The following AGMO variants were observed in gnomAD, a reference collection of about 807,000 sequenced individuals.
AGMO encodes the protein alkylglycerol monooxygenase, also known as glyceryl-ether monooxygenase.
Under a neutral mutation model 60.2 loss-of-function variants are expected in AGMO, and 75 were observed. The ratio of observed to expected loss-of-function variants is 1.25; its 90% CI spans 1.03 to 1.51. The LOEUF (loss-of-function observed/expected upper bound fraction) is 1.51. Ranked by LOEUF, AGMO falls within the 40% of genes most tolerant of loss-of-function variation. The pLI, the probability that AGMO is intolerant of heterozygous loss-of-function variation, is 0.00. For missense variants in AGMO, 763 were observed against 525.5 expected (o/e 1.45, Z -4.42); for synonymous variants, 261 against 177.1 (o/e 1.47, Z -3.76).
At chr7:15,249,228 A>T (rs2128505874) in intron 12 of AGMO, among the ~76,000 whole-genome samples, 1 of 152,258 alleles carries the variant, frequency 6.6e-6, no homozygotes, top group South Asian at 2.1e-4. Context: ...GGTATATCTG[A>T]CTTTAAGGAT....
chr7:15,499,115 T>C (rs913986511), intron 3 of AGMO, among the ~76,000 whole-genome samples: 3 of 151,990 alleles, frequency 2.0e-5, no homozygotes, highest in East Asian at 1.9e-4. Context: ...CATTGTGAAG[T>C]GAACACCTAG....
intron 12 of AGMO, among the ~76,000 whole-genome samples, chr7:15,235,757 A>T (rs1455864457): frequency 1.3e-5 from 2 of 152,158 alleles, no homozygotes; most frequent in Non-Finnish European, 2.9e-5. Context: ...CTTTTTCTCA[A>T]TTTAACTCTC....
chr7:15,157,658 A>C, the AGMO span, among the ~76,000 whole-genome samples: 1 of 152,094 alleles, frequency 6.6e-6, no homozygotes, highest in Admixed American at 6.6e-5. Context: ...CCAAAGGGGG[A>C]CAAGCCTGGC....
chr7:15,416,869 T>C (rs537446092), intron 5 of AGMO, among the ~76,000 whole-genome samples: 3 of 152,248 alleles, frequency 2.0e-5, no homozygotes, highest in African/African-American at 7.2e-5. Context: ...GACAAGCAAA[T>C]GATAAAAATA....
At chr7:15,124,473 T>C in the AGMO span, among the ~76,000 whole-genome samples, 2 of 151,980 alleles carry the variant, frequency 1.3e-5, no homozygotes, top group Non-Finnish European at 2.9e-5. Context: ...CATAAAGAAA[T>C]TGGGGCAATT....
chr7:15,266,868 A>C (rs986506619), intron 12 of AGMO, among the ~76,000 whole-genome samples: 2 of 148,404 alleles, frequency 1.3e-5, no homozygotes, highest in Non-Finnish European at 2.9e-5. Flanking sequence ...TACAGAAACA[A>C]AATAAAGGAC....
chr7:15,321,446 C>T lies in AGMO; in HGVS notation c.1263+44068G>A, dbSNP rs186011520. Among the ~76,000 whole-genome samples the T allele has an allele frequency of 1.8e-3, 271 of 152,144 alleles. 2 individuals are homozygous for T. Among genetic ancestry groups the T allele is most frequent in the African/African-American group, 6.0e-3 (249 of 41,524 alleles). The stretch of plus-strand genomic sequence containing the variant: ...TGGTGGCGAAAGTTTGTAAGTACAT[C>T]GTCACCTTCAAATAAGAACAGATAT... On this transcript the variant is annotated intron_variant, in intron 12 of 12. Coordinates refer to ENST00000342526, the MANE Select transcript of AGMO (RefSeq NM_001004320.2).
intron 11 of AGMO, among the ~76,000 whole-genome samples, chr7:15,365,926 GATTTA>G (rs1451595397): frequency 6.6e-6 from 1 of 151,998 alleles, no homozygotes; most frequent in African/African-American, 2.4e-5. Context: ...TCTTTTCACT[GATTTA>G]ATGTCTTCAT....
chr7:15,357,189 T>TTGTGTGTGTG (rs1375660106), intron 12 of AGMO, among the ~76,000 whole-genome samples: 1 of 87,158 alleles, frequency 1.1e-5, no homozygotes, highest in African/African-American at 5.9e-5. Flanking sequence ...CTATGAATAT[T>TTGTGTGTGTG]CGTGTGTGTG....
chr7:15,152,222 T>G, the AGMO span, among the ~76,000 whole-genome samples: 2 of 152,158 alleles, frequency 1.3e-5, no homozygotes, highest in Non-Finnish European at 2.9e-5. Flanking sequence ...TCTTTTTTTG[T>G]TTTGTTTTTG....
intron 12 of AGMO, among the ~76,000 whole-genome samples, chr7:15,349,906 T>C (rs1351050051): frequency 6.6e-6 from 1 of 152,074 alleles, no homozygotes; most frequent in Non-Finnish European, 1.5e-5. Context: ...TCCCCTCCTA[T>C]GACATGGGGG....
At chr7:15,360,136 C>T (rs936611261) in intron 12 of AGMO, among the ~76,000 whole-genome samples, 1 of 152,120 alleles carries the variant, frequency 6.6e-6, no homozygotes, top group African/African-American at 2.4e-5. Context: ...CACATGTCCA[C>T]CCACCAAGGT....
At chr7:15,143,124 G>T in the AGMO span, among the ~76,000 whole-genome samples, 1 of 152,048 alleles carries the variant, frequency 6.6e-6, no homozygotes, top group Admixed American at 6.5e-5. Context: ...TGCCTAAATT[G>T]CCAATCTCAA....
At position 15,416,653 on chromosome 7, in the gene AGMO, C is replaced by G. The variant is rs147264505; in HGVS notation, c.609+1905G>C. 6.2e-4 allele frequency among the ~76,000 whole-genome samples: 95 copies of G among 152,250 alleles called. 1 individual carries two copies. The highest frequency in any genetic ancestry group is 4.8e-3 in the South Asian group (23 of 4,826). Reference sequence around the variant, plus strand: ...AGGGCTCTTTGGCTAACATGGTCATCTCTACAGCTCGCATATCATTTCTGT... The same window carrying G: ...AGGGCTCTTTGGCTAACATGGTCATGTCTACAGCTCGCATATCATTTCTGT... On this transcript the variant is annotated intron_variant, in intron 5 of 12. Transcript: ENST00000342526.
rs536574298 is a variant in AGMO, at chr7:15,416,407, G to A, written c.609+2151C>T. On this transcript the variant is annotated intron_variant, in intron 5 of 12. Coordinates refer to ENST00000342526, the MANE Select transcript of AGMO (RefSeq NM_001004320.2). ...CTATAAACTATTTGGTACGTTTTAT[G>A]GCCTATTTTTTATCTCACAGTCTTT... 1.1e-4 allele frequency among the ~76,000 whole-genome samples: 16 copies of A among 152,056 alleles called. No individual in the cohort carries two copies. The South Asian group carries it at 3.3e-3, about 32-fold the overall frequency.
intron 12 of AGMO, among the ~76,000 whole-genome samples, chr7:15,259,467 A>G (rs1467167864): frequency 6.6e-6 from 1 of 152,154 alleles, no homozygotes; most frequent in East Asian, 1.9e-4. Context: ...AAAATCTAAA[A>G]GTTTGGAAAA....
chr7:15,510,581 C>T (rs1419803067), intron 3 of AGMO, among the ~76,000 whole-genome samples: 1 of 149,262 alleles, frequency 6.7e-6, no homozygotes, highest in Non-Finnish European at 1.5e-5. Flanking sequence ...ATATATATGA[C>T]ATATATAACA....
intron 12 of AGMO, among the ~76,000 whole-genome samples, chr7:15,277,504 C>A (rs959287112): frequency 1.3e-5 from 2 of 151,216 alleles, no homozygotes; most frequent in Non-Finnish European, 2.9e-5. Flanking sequence ...ACACTTCTTG[C>A]TTTTGGATTT....
At chr7:15,157,225 A>G in the AGMO span, among the ~76,000 whole-genome samples, 2 of 152,036 alleles carry the variant, frequency 1.3e-5, no homozygotes, top group South Asian at 4.1e-4. Context: ...AGGCACTCTT[A>G]CTCTCTCTTT....
Sources: allele counts gnomAD v4.1 joint callset (sites outside exome capture counted in the v4.1 genomes callset), GRCh38; gene constraint gnomAD v4.1.1; transcripts MANE v1.5; gene names NCBI Gene and HGNC (gene_info 2026-07-23, HGNC 2026-07-21).